Variants in CTNNBL1 observed in about 807,000 individuals in gnomAD.
CTNNBL1 encodes the protein catenin beta like 1, also known as beta-catenin-like protein 1.
In CTNNBL1, 31 loss-of-function variants were observed where a neutral mutation model predicts 72.7. That is an observed-to-expected ratio of 0.43 (90% CI 0.32 to 0.58). The LOEUF is 0.58. Among genes scored for constraint, CTNNBL1 ranks in the 20% least tolerant of loss-of-function variants. The pLI, the probability that CTNNBL1 is intolerant of heterozygous loss-of-function variation, is 0.08. For missense variants in CTNNBL1, 534 were observed against 725.1 expected (o/e 0.74, Z 3.03); for synonymous variants, 240 against 267.3 (o/e 0.90, Z 1.00).
At chr20:37,844,456 A>T (rs759035727) in intron 13 of CTNNBL1, among the ~76,000 whole-genome samples, 1 of 152,210 alleles carries the variant, frequency 6.6e-6, no homozygotes, top group Non-Finnish European at 1.5e-5. Context: ...AATGAATTAA[A>T]AGCGCAGTGA....
chr20:37,865,470 C>T (rs2072529085), intron 15 of CTNNBL1, among the ~76,000 whole-genome samples: 1 of 152,140 alleles, frequency 6.6e-6, no homozygotes, highest in Admixed American at 6.5e-5. Flanking sequence ...TATCCACAGG[C>T]CTTTTTTTCA....
intron 11 of CTNNBL1, among the ~76,000 whole-genome samples, chr20:37,827,480 A>G (rs1230096413): frequency 6.6e-6 from 1 of 152,228 alleles, no homozygotes; most frequent in African/African-American, 2.4e-5. Flanking sequence ...ATAGGTGGAA[A>G]AGAGAACTGT....
In CTNNBL1 at chr20:37,757,542, C is replaced by T; in HGVS notation, c.467-17C>T. On this transcript the variant is annotated splice_polypyrimidine_tract_variant and intron_variant, in intron 4 of 15. Coordinates refer to ENST00000361383, the MANE Select transcript of CTNNBL1 (RefSeq NM_030877.5). ...GTACCGTTTCAGTATGTGTGTTATA[C>T]CCTTAACATTTTTCACATGTGTCCA... 6 of 1,581,394 alleles carry T rather than the reference C, an allele frequency of 3.8e-6. No homozygotes were observed. Among genetic ancestry groups the T allele is most frequent in the Non-Finnish European group, 4.3e-6 (5 of 1,150,830 alleles).
chr20:37,767,098 C>T (rs1403454591), intron 6 of CTNNBL1, among the ~76,000 whole-genome samples: 2 of 151,974 alleles, frequency 1.3e-5, no homozygotes, highest in Non-Finnish European at 2.9e-5. Context: ...ATTTCTTCAG[C>T]CCTTTCTCCT....
At position 37,803,874 on chromosome 20, in the gene CTNNBL1, C is replaced by T. The variant is rs764196488; in HGVS notation, c.1213+826C>T. ...TGGTTTAGGAGGCTTTTTTTTTTGT[C>T]AGTGCTTGGTGGAATTGGCATGGGT... is the stretch of plus-strand genomic sequence containing the variant. On this transcript the variant is annotated intron_variant, in intron 11 of 15. Transcript: ENST00000361383. 2.7e-4 allele frequency among the ~76,000 whole-genome samples: 40 copies of T among 150,398 alleles called. 1 individual carries two copies. The highest frequency in any genetic ancestry group is 5.3e-4 in the Admixed American group (8 of 15,144).
chr20:37,696,398 G>A (rs2072791710), intron 1 of CTNNBL1, among the ~76,000 whole-genome samples: 1 of 150,176 alleles, frequency 6.7e-6, no homozygotes, highest in Non-Finnish European at 1.5e-5. Flanking sequence ...ATACACACTG[G>A]ATTTCAAAGA....
chr20:37,863,468 G>C (rs1052358436), intron 15 of CTNNBL1, among the ~76,000 whole-genome samples: 2 of 152,188 alleles, frequency 1.3e-5, no homozygotes, highest in African/African-American at 4.8e-5. Flanking sequence ...GGAGTGGCAC[G>C]GAGGCAGTTA....
At chr20:37,783,884 C>T (rs1489366021) in intron 10 of CTNNBL1, among the ~76,000 whole-genome samples, 1 of 152,140 alleles carries the variant, frequency 6.6e-6, no homozygotes, top group Non-Finnish European at 1.5e-5. Context: ...TTAGTCTATA[C>T]TGCAGATGAA....
Position 37,746,761 on chromosome 20 carries a change from T to A in CTNNBL1, c.466+154T>A, listed in dbSNP as rs2073269069. On this transcript the variant is annotated intron_variant, in intron 4 of 15. Coordinates refer to ENST00000361383, the MANE Select transcript of CTNNBL1 (RefSeq NM_030877.5). Reference sequence around the variant, plus strand: ...CTGTCTTGAAACACACAATGCTTTTTACTCATTTGAAAACCTGGTTTTTCT... The same window carrying A: ...CTGTCTTGAAACACACAATGCTTTTAACTCATTTGAAAACCTGGTTTTTCT... The A allele has an allele frequency of 1.1e-5, 11 of 1,047,110 alleles. 1 individual carries two copies. In the South Asian group the frequency reaches 1.5e-4, roughly 14 times the overall value. The allele number at this position is 1,047,110 out of a possible 1,614,324, so 64.9% of individuals were successfully genotyped here.
intron 13 of CTNNBL1, among the ~76,000 whole-genome samples, chr20:37,854,114 A>G (rs565602126): frequency 5.5e-4 from 84 of 152,350 alleles, no homozygotes; most frequent in Non-Finnish European, 9.8e-4. Flanking sequence ...AGAATGTCGC[A>G]TTGAACATTG....
chr20:37,707,424 G>T (rs928512722), intron 1 of CTNNBL1, among the ~76,000 whole-genome samples: 1 of 152,218 alleles, frequency 6.6e-6, no homozygotes, highest in Non-Finnish European at 1.5e-5. Context: ...GGTTCACCTT[G>T]CGCTTTCATG....
chr20:37,769,599 T>C (rs1568772127), intron 7 of CTNNBL1, among the ~76,000 whole-genome samples: 1 of 152,222 alleles, frequency 6.6e-6, no homozygotes, highest in African/African-American at 2.4e-5. Context: ...CAGTTAGTAT[T>C]GTCTAATAGA....
intron 4 of CTNNBL1, chr20:37,751,250 A>G (rs1211543590): frequency 6.6e-6 from 1 of 152,112 alleles, no homozygotes; most frequent in Non-Finnish European, 1.5e-5. Flanking sequence ...AATTTATTCA[A>G]AGTCAGCTTT....
rs545063516 is a variant in CTNNBL1, at chr20:37,738,082, G to A, written c.326+598G>A. On this transcript the variant is annotated intron_variant, in intron 3 of 15. Coordinates refer to ENST00000361383, the MANE Select transcript of CTNNBL1 (RefSeq NM_030877.5). ...GCTAGCCCTTTTCAAGATCAGCCCC[G>A]CAGTTAACATATTAACTCTCCTGCA... Among the ~76,000 whole-genome samples, 6 of 152,250 alleles carry A rather than the reference G, an allele frequency of 3.9e-5. No homozygotes were observed. In the South Asian group the frequency reaches 1.0e-3, roughly 26 times the overall value.
At chr20:37,850,357 T>A (rs1036704900) in intron 13 of CTNNBL1, among the ~76,000 whole-genome samples, 1 of 152,210 alleles carries the variant, frequency 6.6e-6, no homozygotes, top group Non-Finnish European at 1.5e-5. Context: ...CCACACGTGA[T>A]CTTTGTTCCC....
chr20:37,729,074 A>T (rs1211711181), intron 1 of CTNNBL1, among the ~76,000 whole-genome samples: 1 of 152,220 alleles, frequency 6.6e-6, no homozygotes, highest in Non-Finnish European at 1.5e-5. Context: ...TTATTTGTTG[A>T]ATTAATGATT....
intron 4 of CTNNBL1, among the ~76,000 whole-genome samples, chr20:37,748,806 T>C (rs1299279318): frequency 6.6e-6 from 1 of 152,128 alleles, no homozygotes; most frequent in Non-Finnish European, 1.5e-5. Flanking sequence ...AGGACACTAA[T>C]CCCAAGGGCC....
At chr20:37,710,370 C>A (rs779393681) in intron 1 of CTNNBL1, among the ~76,000 whole-genome samples, 20 of 151,930 alleles carry the variant, frequency 1.3e-4, no homozygotes, top group Non-Finnish European at 1.6e-4. Context: ...CCTTTTTTGC[C>A]CATTCTTTTA....
intron 11 of CTNNBL1, among the ~76,000 whole-genome samples, chr20:37,837,434 T>G (rs1229115681): frequency 6.6e-6 from 1 of 152,164 alleles, no homozygotes; most frequent in Non-Finnish European, 1.5e-5. Context: ...AGTACCTCTG[T>G]CCACAGCATA....
Sources: allele counts gnomAD v4.1 joint callset (sites outside exome capture counted in the v4.1 genomes callset), GRCh38; gene constraint gnomAD v4.1.1; transcripts MANE v1.5; gene names NCBI Gene and HGNC (gene_info 2026-07-23, HGNC 2026-07-21).